UBE4B: variants seen among roughly 807,000 people sequenced by gnomAD.
The protein encoded by UBE4B is ubiquitin conjugation factor E4 B.
Under a neutral mutation model 148.1 loss-of-function variants are expected in UBE4B, and 27 were observed. The ratio of observed to expected loss-of-function variants is 0.18; its 90% CI spans 0.13 to 0.25. UBE4B has a LOEUF of 0.25. Ranked by LOEUF, UBE4B falls within the 10% of genes least tolerant of loss-of-function variation. The pLI is 1.00. For missense variants in UBE4B, 1,170 were observed against 1,662.4 expected, an observed-to-expected ratio of 0.70 and a Z score of 5.15; for synonymous variants, 596 against 619.3, an observed-to-expected ratio of 0.96 and a Z score of 0.56.
chr1:10,111,100 C>T (rs900922209), intron 7 of UBE4B, among the ~76,000 whole-genome samples: 8 of 146,652 alleles, frequency 5.5e-5, no homozygotes, highest in African/African-American at 2.0e-4. Context: ...CACAGTCTTT[C>T]CACCATATCT....
Position 10,180,106 on chromosome 1 carries a change from C to G in UBE4B, c.*150C>G, listed in dbSNP as rs540413491. ...ACCCAGAGCGAGCAAACGCTGAGAC[C>G]TGAAAGGACATGGATGAGAAGAGGA... is the stretch of plus-strand genomic sequence containing the variant. On this transcript the variant is annotated 3_prime_UTR_variant, in exon 28 of 28. Coordinates refer to ENST00000343090, the MANE Select transcript of UBE4B (RefSeq NM_001105562.3). 105 of 847,882 alleles carry G rather than the reference C, an allele frequency of 1.2e-4. No homozygotes were observed. In the African/African-American group the frequency reaches 1.6e-3, roughly 13 times the overall value. 52.5% of individuals were successfully genotyped at this position (847,882 alleles called of 1,614,324 possible).
intron 4 of UBE4B, among the ~76,000 whole-genome samples, chr1:10,101,756 C>T (rs1228423806): frequency 6.6e-6 from 1 of 152,124 alleles, no homozygotes; most frequent in East Asian, 1.9e-4. Context: ...GATCCACCTG[C>T]CTTGGCTTCC....
intron 2 of UBE4B, among the ~76,000 whole-genome samples, chr1:10,080,186 C>T (rs1644653480): frequency 6.6e-6 from 1 of 152,034 alleles, no homozygotes; most frequent in Admixed American, 6.6e-5. Flanking sequence ...CTTTGGGAGG[C>T]CGAGATGGAG....
intron 1 of UBE4B, among the ~76,000 whole-genome samples, chr1:10,063,900 CTG>C (rs1004690286): frequency 6.7e-6 from 1 of 149,904 alleles, no homozygotes; most frequent in Non-Finnish European, 1.5e-5. Context: ...AAAAATGAAA[CTG>C]TCTCAATGAA....
chr1:10,044,542 C>T (rs1643875808), intron 1 of UBE4B, among the ~76,000 whole-genome samples: 2 of 151,934 alleles, frequency 1.3e-5, no homozygotes, highest in African/African-American at 4.8e-5. Context: ...CCTTACCCTT[C>T]CTTCCTTACT....
intron 23 of UBE4B, among the ~76,000 whole-genome samples, chr1:10,164,063 G>A (rs755623965): frequency 8.6e-5 from 13 of 151,824 alleles, no homozygotes; most frequent in Admixed American, 2.0e-4. Context: ...AGTCTTGACC[G>A]GGCACAGTGG....
chr1:10,114,796 G>A (rs570403870), intron 7 of UBE4B, among the ~76,000 whole-genome samples: 6 of 152,194 alleles, frequency 3.9e-5, no homozygotes, highest in Admixed American at 6.5e-5. Context: ...CCCAGAAGGC[G>A]GAGTTTGCAC....
intron 17 of UBE4B, among the ~76,000 whole-genome samples, chr1:10,141,059 A>G (rs1240341487): frequency 6.6e-6 from 1 of 152,088 alleles, no homozygotes; most frequent in Non-Finnish European, 1.5e-5. Flanking sequence ...GTATATCAGC[A>G]TTTTCTTCTC....
intron 2 of UBE4B, among the ~76,000 whole-genome samples, chr1:10,075,984 C>T (rs2101838671): frequency 6.6e-6 from 1 of 152,126 alleles, no homozygotes; most frequent in Admixed American, 6.5e-5. Context: ...GTGGAGGTTG[C>T]CGTGAGCTGT....
In UBE4B at chr1:10,161,351, C is replaced by T; in HGVS notation, c.3198+65C>T. On this transcript the variant is annotated intron_variant, in intron 23 of 27. Coordinates refer to ENST00000343090, the MANE Select transcript of UBE4B (RefSeq NM_001105562.3). This position sits in a 1 kb window ranked among gnomAD's most constrained non-coding sequence, Gnocchi z 4.1. ...CATCTGCCTCCACACACGGGCAGAG[C>T]TGCTTTGGGGCTGCATTTGTGGGTC... 1 of 1,566,356 alleles carries T rather than the reference C, an allele frequency of 6.4e-7. No homozygotes were observed. Among genetic ancestry groups the T allele is most frequent in the Non-Finnish European group, 8.7e-7 (1 of 1,150,410 alleles).
chr1:10,092,335 C>A (rs917514718), intron 2 of UBE4B, among the ~76,000 whole-genome samples: 12 of 152,144 alleles, frequency 7.9e-5, no homozygotes, highest in Admixed American at 7.2e-4. Flanking sequence ...AGCGATTCTT[C>A]TGCCTCAGAT....
chr1:10,043,663 C>T (rs1254189901), intron 1 of UBE4B, among the ~76,000 whole-genome samples: 8 of 151,488 alleles, frequency 5.3e-5, no homozygotes, highest in Non-Finnish European at 8.8e-5. Context: ...CTCCTGACCT[C>T]GTGATCCACC....
intron 2 of UBE4B, 29 bp from the exon 3 acceptor site, chr1:10,095,432 G>T (rs750546741): frequency 1.9e-6 from 3 of 1,612,242 alleles, no homozygotes; most frequent in South Asian, 1.1e-5. Flanking sequence ...TTCACATGGG[G>T]CTTCATCCTT....
At chr1:10,096,252 A>G (rs966778752) in intron 3 of UBE4B, among the ~76,000 whole-genome samples, 1 of 152,080 alleles carries the variant, frequency 6.6e-6, no homozygotes, top group Non-Finnish European at 1.5e-5. Context: ...TAAATACCCT[A>G]TTTGCTTCGT....
chr1:10,103,181 C>G lies in UBE4B; in HGVS notation c.580+89C>G, dbSNP rs1201686623. 3.7e-6 allele frequency: 5 copies of G among 1,365,346 alleles called. No individual in the cohort carries two copies. In the African/African-American group the frequency reaches 4.3e-5, roughly 12 times the overall value. 84.6% of individuals were successfully genotyped at this position (1,365,346 alleles called of 1,614,324 possible). On this transcript the variant is annotated intron_variant, in intron 5 of 27. Coordinates refer to ENST00000343090, the MANE Select transcript of UBE4B (RefSeq NM_001105562.3). ...TTGCCCTCTGTTATCCACATTCACTCCATCTTGCTCTTGGGTTGTATTTTT... is the reference window on the plus strand; with the variant it reads ...TTGCCCTCTGTTATCCACATTCACTGCATCTTGCTCTTGGGTTGTATTTTT...
intron 12 of UBE4B, 143 bp downstream of exon 12, chr1:10,129,591 A>C: frequency 1.5e-6 from 1 of 680,318 alleles, no homozygotes; most frequent in African/African-American, 1.8e-5. Flanking sequence ...GAGGCTCTCA[A>C]CTGTTACATT....
At chr1:10,179,132 C>G (rs1371274109) in intron 26 of UBE4B, 10 of 483,276 alleles carry the variant, frequency 2.1e-5, no homozygotes, top group Admixed American at 3.8e-5. Flanking sequence ...TCCAGCCTGC[C>G]GTCCTCGCCA....
chr1:10,080,155 C>G (rs1469414389), intron 2 of UBE4B, among the ~76,000 whole-genome samples: 3 of 152,230 alleles, frequency 2.0e-5, no homozygotes, highest in African/African-American at 7.2e-5. Context: ...GGTGTGGTGG[C>G]TCACGCCTGT....
intron 1 of UBE4B, among the ~76,000 whole-genome samples, chr1:10,060,281 C>T (rs1372597999): frequency 6.6e-6 from 1 of 152,198 alleles, no homozygotes; most frequent in African/African-American, 2.4e-5. Flanking sequence ...TATAGTATAA[C>T]TCCTTGGATA....
Sources: allele counts gnomAD v4.1 joint callset (sites outside exome capture counted in the v4.1 genomes callset), GRCh38; gene constraint gnomAD v4.1.1; non-coding constraint Gnocchi (gnomAD v3.1); transcripts MANE v1.5; gene names NCBI Gene and HGNC (gene_info 2026-07-23, HGNC 2026-07-21).